The following SRSF11 variants were observed in gnomAD, a reference collection of about 807,000 sequenced individuals.
The protein encoded by SRSF11 is serine/arginine-rich splicing factor 11.
In SRSF11, 9 loss-of-function variants were observed where a neutral mutation model predicts 56.0. The observed-to-expected ratio is 0.16, with a 90% CI of 0.10 to 0.28. SRSF11 has a LOEUF of 0.28. SRSF11 is among the 10% of genes least tolerant of loss of function. SRSF11 has a pLI of 1.00. For synonymous variants in SRSF11, 222 were observed against 215.3 expected (o/e 1.03, Z -0.27); for missense variants, 421 against 600.7 (o/e 0.70, Z 3.13).
intron 1 of SRSF11, among the ~76,000 whole-genome samples, chr1:70,225,700 C>G (rs1408389717): frequency 6.6e-6 from 1 of 152,130 alleles, no homozygotes; most frequent in Admixed American, 6.5e-5. Flanking sequence ...CCTCAGAGGA[C>G]ACGTAAGAAC....
intron 2 of SRSF11, 103 bp downstream of exon 2, chr1:70,228,658 C>G: frequency 7.2e-7 from 1 of 1,396,770 alleles, no homozygotes; most frequent in Non-Finnish European, 9.3e-7. Context: ...AAGCTATTAA[C>G]ATTTTTAAAC....
rs976673369 is a variant in SRSF11 at position 70,231,889 on chromosome 1, A to G, written c.338-379A>G. The G allele has an allele frequency of 2.6e-6, 4 of 1,516,460 alleles. No individual in the cohort carries two copies. The African/African-American group carries it at 4.1e-5, about 16-fold the overall frequency. The allele number at this position is 1,516,460 out of a possible 1,614,324, so 93.9% of individuals were successfully genotyped here. On this transcript the variant is annotated intron_variant, in intron 2 of 11. Transcript: ENST00000370949. Reference sequence around the variant, plus strand: ...CAGCCGACACGAGTCGTTGTTCATAAAACAGCTTTTGAAAGTTGAGAGCAC... The same window carrying G: ...CAGCCGACACGAGTCGTTGTTCATAGAACAGCTTTTGAAAGTTGAGAGCAC...
chr1:70,227,882 A>T (rs903535675), intron 1 of SRSF11, among the ~76,000 whole-genome samples: 1 of 152,202 alleles, frequency 6.6e-6, no homozygotes, highest in South Asian at 2.1e-4. Flanking sequence ...ATCCTTGATT[A>T]TTTACAGTGC....
intron 6 of SRSF11, 117 bp from the exon 7 acceptor site, chr1:70,239,322 A>T: frequency 1.5e-6 from 1 of 666,694 alleles, no homozygotes; most frequent in Non-Finnish European, 2.6e-6. Context: ...GAACTCCTGG[A>T]CTGAAGTGTT....
intron 2 of SRSF11, chr1:70,230,517 T>C (rs1323868492): frequency 8.0e-7 from 1 of 1,252,308 alleles, no homozygotes; most frequent in Non-Finnish European, 1.0e-6. Flanking sequence ...TTGTTTCTTT[T>C]GTCTGTTTCT....
At chr1:70,221,328 C>T, upstream of SRSF11, 1 of 368,912 alleles carries the variant, frequency 2.7e-6, no homozygotes, top group Non-Finnish European at 4.9e-6. Context: ...CGGGGTGGAG[C>T]CGACGCTGAC....
chr1:70,250,589 A>T lies in SRSF11; in HGVS notation c.1258-19A>T, dbSNP rs569798056. The T allele has an allele frequency of 7.8e-5, 125 of 1,611,140 alleles. No homozygotes were observed. The African/African-American group carries it at 1.6e-3, about 20-fold the overall frequency. On this transcript the variant is annotated intron_variant, in intron 11 of 11. Transcript: ENST00000370949. ...TTTTTCTTTGGAGAAGTTTACTTTT[A>T]TTATTCTCCTTGGCAAAGCAGGTTA...
intron 7 of SRSF11, among the ~76,000 whole-genome samples, chr1:70,240,792 T>C (rs1675193821): frequency 6.9e-6 from 1 of 145,614 alleles, no homozygotes; most frequent in African/African-American, 2.5e-5. Flanking sequence ...TTTTTTTTTT[T>C]GAGACGGAGT....
chr1:70,237,590 A>G, intron 6 of SRSF11, 38 bp downstream of exon 6: 1 of 1,600,360 alleles, frequency 6.2e-7, no homozygotes, highest in Non-Finnish European at 8.5e-7. Flanking sequence ...TGTGATTCTT[A>G]GCAAAAATGA....
At chr1:70,220,112 T>G (rs186174420), upstream of SRSF11, among the ~76,000 whole-genome samples, 126 of 152,380 alleles carry the variant, frequency 8.3e-4, 1 homozygote, top group African/African-American at 3.0e-3. Context: ...TGTGCCAGGT[T>G]CTGGACTGAC....
At chr1:70,230,699 C>CT (rs796089050) in intron 2 of SRSF11, 41,739 of 833,990 alleles carry the variant, frequency 0.05, 1 homozygote, top group South Asian at 0.078. Flanking sequence ...AGATGCATGA[C>CT]TTTTTTTTTT....
chr1:70,231,535 C>A, intron 2 of SRSF11: 1 of 1,076,358 alleles, frequency 9.3e-7, no homozygotes, highest in South Asian at 2.8e-5. Context: ...TAGCATGGCA[C>A]ATGGCGAAAC....
chr1:70,240,792 T>TTTTTA (rs1675194618), intron 7 of SRSF11, among the ~76,000 whole-genome samples: 1 of 145,614 alleles, frequency 6.9e-6, no homozygotes, highest in East Asian at 2.2e-4. Context: ...TTTTTTTTTT[T>TTTTTA]GAGACGGAGT....
intron 1 of SRSF11, among the ~76,000 whole-genome samples, chr1:70,224,272 A>G (rs1272440687): frequency 1.3e-5 from 2 of 152,278 alleles, no homozygotes; most frequent in African/African-American, 4.8e-5. Context: ...TTCCCCCAAG[A>G]AGGCAGTGAC....
rs1241943912 is a variant in SRSF11, at chr1:70,249,964, A to T, written c.1035A>T (p.Arg345=). The change falls in exon 10 of 12, where the codon CGA becomes CGT. Residue 345 remains arginine, a synonymous_variant. Coordinates refer to ENST00000370949, the MANE Select transcript of SRSF11 (RefSeq NM_001350605.2). ...TTTGTGATTCTAGAGAGAGACGACG[A>T]CGAAGAAGCAGGAGTGGCACAAGAT... ...RSRSASRERR[R]RRSRSGTRSP... 9.3e-6 allele frequency: 15 copies of T among 1,614,154 alleles called. No homozygotes were observed. The highest frequency in any genetic ancestry group is 1.2e-5 in the Non-Finnish European group (14 of 1,180,012).
chr1:70,251,000 C>A lies in SRSF11; in HGVS notation c.*195C>A. 1 of 529,998 alleles carries A rather than the reference C, an allele frequency of 1.9e-6. No homozygotes were observed. The highest frequency in any genetic ancestry group is 2.9e-5 in the South Asian group (1 of 35,084). 32.8% of individuals were successfully genotyped at this position (529,998 alleles called of 1,614,324 possible). ...AGAAAATGGTACGAGGTAACCAATTCTTGTCATGGTGAAATCTGATTGAGT... is the reference window on the plus strand; with the variant it reads ...AGAAAATGGTACGAGGTAACCAATTATTGTCATGGTGAAATCTGATTGAGT... On this transcript the variant is annotated 3_prime_UTR_variant, in exon 12 of 12. Coordinates refer to ENST00000370949, the MANE Select transcript of SRSF11 (RefSeq NM_001350605.2).
At chr1:70,206,729 G>T (rs1045476046) in intron 1 of SRSF11, among the ~76,000 whole-genome samples, 2 of 151,952 alleles carry the variant, frequency 1.3e-5, no homozygotes, top group Admixed American at 6.6e-5. Flanking sequence ...TCTTCATCAC[G>T]CACTTTTACC....
chr1:70,233,455 G>A (rs1673277693), intron 3 of SRSF11, among the ~76,000 whole-genome samples: 1 of 152,142 alleles, frequency 6.6e-6, no homozygotes, highest in Admixed American at 6.5e-5. Context: ...GGCCAGGCTG[G>A]TCTTGAACTC....
chr1:70,236,719 G>A (rs1238815834), intron 5 of SRSF11, among the ~76,000 whole-genome samples: 1 of 150,670 alleles, frequency 6.6e-6, no homozygotes, highest in African/African-American at 2.4e-5. Flanking sequence ...TAGGCCTTTG[G>A]CCTCTGCCTC....
Sources: gnomAD v4.1 joint callset for allele counts (sites outside exome capture counted in the v4.1 genomes callset) on GRCh38, gnomAD v4.1.1 for gene constraint, MANE v1.5 for transcripts, NCBI Gene and HGNC (gene_info 2026-07-23, HGNC 2026-07-21) for gene names.